Variants in CDC42SE2 observed in about 807,000 individuals in gnomAD.
CDC42SE2 encodes CDC42 small effector protein 2.
CDC42SE2 carries 3 observed loss-of-function variants against 11.5 expected under a neutral mutation model. The observed-to-expected ratio is 0.26, with a 90% confidence interval of 0.12 to 0.67. The LOEUF is 0.67. Among genes scored for constraint, CDC42SE2 ranks in the 30% least tolerant of loss-of-function variants. The pLI is 0.80. For missense variants in CDC42SE2, 82 were observed against 106.8 expected (o/e 0.77, Z 1.02); for synonymous variants, 33 against 34.8 (o/e 0.95, Z 0.18).
the CDC42SE2 span, among the ~76,000 whole-genome samples, chr5:131,233,727 T>G: frequency 6.6e-6 from 1 of 152,226 alleles, no homozygotes; most frequent in Non-Finnish European, 1.5e-5. Flanking sequence ...ATATGTATAT[T>G]TGTAGTATAA....
At chr5:131,265,365 T>C (rs1460076912) in intron 1 of CDC42SE2, among the ~76,000 whole-genome samples, 2 of 152,300 alleles carry the variant, frequency 1.3e-5, no homozygotes, top group East Asian at 3.9e-4. Context: ...TTCTGTTTCA[T>C]TATGAATAAA....
chr5:131,383,979 TAGGC>T (rs1561437530), intron 3 of CDC42SE2, among the ~76,000 whole-genome samples: 2 of 152,178 alleles, frequency 1.3e-5, no homozygotes, highest in African/African-American at 4.8e-5. Flanking sequence ...AATGTCCACA[TAGGC>T]AGGAACTCCA....
chr5:131,228,791 T>A, the CDC42SE2 span, among the ~76,000 whole-genome samples: 2 of 152,248 alleles, frequency 1.3e-5, no homozygotes, highest in Non-Finnish European at 2.9e-5. Flanking sequence ...AACAGAGAGT[T>A]TGCTAACTTG....
intron 4 of CDC42SE2, 104 bp from the exon 5 acceptor site, chr5:131,390,889 G>GA (rs920730312): frequency 1.2e-5 from 8 of 690,424 alleles, no homozygotes; most frequent in Admixed American, 5.3e-5. Context: ...GTACCCTTCT[G>GA]AAAAAAGCAG....
At chr5:131,239,510 G>A in the CDC42SE2 span, among the ~76,000 whole-genome samples, 2 of 152,158 alleles carry the variant, frequency 1.3e-5, no homozygotes, top group Non-Finnish European at 2.9e-5. Flanking sequence ...TATTGTGTTT[G>A]GAGGGACTGT....
chr5:131,284,970 C>G (rs1757311433), intron 1 of CDC42SE2, among the ~76,000 whole-genome samples: 1 of 151,784 alleles, frequency 6.6e-6, no homozygotes, highest in African/African-American at 2.4e-5. Flanking sequence ...GCCTGGACAA[C>G]ATAATGAGAC....
chr5:131,338,661 A>G (rs893350594), intron 2 of CDC42SE2, among the ~76,000 whole-genome samples: 4 of 152,240 alleles, frequency 2.6e-5, no homozygotes, highest in Non-Finnish European at 5.9e-5. Context: ...TTTGTAGAGC[A>G]GCAAACTAGA....
At chr5:131,366,795 G>A (rs955652251) in intron 3 of CDC42SE2, among the ~76,000 whole-genome samples, 23 of 152,140 alleles carry the variant, frequency 1.5e-4, no homozygotes, top group Admixed American at 7.2e-4. Flanking sequence ...AGGCTGAGGC[G>A]GGAGCATTGC....
intron 1 of CDC42SE2, among the ~76,000 whole-genome samples, chr5:131,282,919 G>GCACCTGGCCAAAATCACCTTTTTTA (rs1337455960): frequency 2.0e-5 from 3 of 147,950 alleles, no homozygotes; most frequent in African/African-American, 7.5e-5. Flanking sequence ...GTGAGCCACT[G>GCACCTGGCCAAAATCACCTTTTTTA]CACCTGGCCC....
At chr5:131,212,694 C>A in the CDC42SE2 span, among the ~76,000 whole-genome samples, 1 of 152,170 alleles carries the variant, frequency 6.6e-6, no homozygotes, top group Non-Finnish European at 1.5e-5. Context: ...GATCTCTTTT[C>A]TTTCTGGCAT....
At chr5:131,371,597 G>A (rs548676838) in intron 3 of CDC42SE2, among the ~76,000 whole-genome samples, 62 of 152,298 alleles carry the variant, frequency 4.1e-4, no homozygotes, top group Non-Finnish European at 7.6e-4. Flanking sequence ...GACATCATAG[G>A]CAAACGTAGT....
intron 1 of CDC42SE2, among the ~76,000 whole-genome samples, chr5:131,278,712 CTCCCCT>C: frequency 2.4e-5 from 1 of 42,432 alleles, no homozygotes; most frequent in South Asian, 1.3e-3. Flanking sequence ...TTCCTTTCCT[CTCCCCT>C]CCCCTCCCCC....
intron 3 of CDC42SE2, among the ~76,000 whole-genome samples, chr5:131,368,875 T>C (rs147396594): frequency 6.6e-6 from 1 of 152,276 alleles, no homozygotes; most frequent in African/African-American, 2.4e-5. Flanking sequence ...CACAATACCA[T>C]TATAATACCA....
At chr5:131,361,319 A>G (rs943913838) in intron 3 of CDC42SE2, among the ~76,000 whole-genome samples, 2 of 152,190 alleles carry the variant, frequency 1.3e-5, no homozygotes, top group African/African-American at 2.4e-5. Context: ...GACATCAGAA[A>G]TACATTTTCT....
rs566846543 is a variant in CDC42SE2, at chr5:131,384,807, G to C, written c.55-736G>C. Among the ~76,000 whole-genome samples the C allele has an allele frequency of 4.0e-5, 6 of 151,794 alleles. No homozygotes were observed. In the South Asian group the frequency reaches 1.3e-3, roughly 32 times the overall value. The stretch of plus-strand genomic sequence containing the variant: ...TCAAAAATTAGGAAGAGTCAGCCAG[G>C]CGTAGTGGTGCGTGCCTGTAATCCC... On this transcript the variant is annotated intron_variant, in intron 3 of 4. Transcript: ENST00000505065.
chr5:131,282,242 C>A (rs964350802), intron 1 of CDC42SE2, among the ~76,000 whole-genome samples: 3 of 152,126 alleles, frequency 2.0e-5, no homozygotes, highest in Non-Finnish European at 2.9e-5. Context: ...CCTGAGAAAT[C>A]GAAACATTTG....
upstream of CDC42SE2, among the ~76,000 whole-genome samples, chr5:131,243,636 T>G (rs764548182): frequency 3.3e-5 from 5 of 152,220 alleles, no homozygotes; most frequent in Non-Finnish European, 7.3e-5. Flanking sequence ...GCATTTTTCA[T>G]TTTGCACAGG....
At chr5:131,260,624 C>CAA (rs34035270), upstream of CDC42SE2, among the ~76,000 whole-genome samples, 7 of 96,358 alleles carry the variant, frequency 7.3e-5, no homozygotes, top group Admixed American at 1.1e-4. Context: ...GACGCTCTCT[C>CAA]AAAAAAAAAA....
Position 131,321,107 on chromosome 5 carries a change from T to A in CDC42SE2, c.-286+4963T>A, listed in dbSNP as rs115757118. On this transcript the variant is annotated intron_variant, in intron 2 of 4. Transcript: ENST00000505065. ...GAGATTGGAAAACATCTGCCAAATTTAAAATGCCTACTGAACATTTAAATG... is the reference window on the plus strand; with the variant it reads ...GAGATTGGAAAACATCTGCCAAATTAAAAATGCCTACTGAACATTTAAATG... Among the ~76,000 whole-genome samples the A allele has an allele frequency of 6.7e-3, 1,024 of 152,354 alleles. 9 individuals are homozygous for A. The highest frequency in any genetic ancestry group is 0.011 in the Non-Finnish European group (750 of 68,032).
Sources: allele counts gnomAD v4.1 joint callset (sites outside exome capture counted in the v4.1 genomes callset), GRCh38; gene constraint gnomAD v4.1.1; transcripts MANE v1.5; gene names NCBI Gene and HGNC (gene_info 2026-07-23, HGNC 2026-07-21).